Variants in HIP1 observed in about 807,000 individuals in gnomAD.
HIP1 encodes the protein huntingtin-interacting protein 1.
A neutral mutation model predicts 147.6 loss-of-function variants in HIP1; 65 were observed. That is an observed-to-expected ratio of 0.44 (90% confidence interval 0.36 to 0.54). HIP1 has a LOEUF of 0.54. HIP1 is among the 20% of genes least tolerant of loss of function. The probability of loss-of-function intolerance (pLI) is 0.00; values close to 1 mark genes in which losing one functional copy is unlikely to be tolerated. For synonymous variants in HIP1, 479 were observed against 504.0 expected (o/e 0.95, Z 0.67); for missense variants, 1,061 against 1,299.6 (o/e 0.82, Z 2.82).
chr7:75,562,791 C>T, intron 11 of HIP1, 144 bp downstream of exon 11: 1 of 765,386 alleles, frequency 1.3e-6, no homozygotes. Flanking sequence ...GAGCAGGATG[C>T]TCAGCCTAGG....
chr7:75,737,338 T>G (rs1554523815), intron 1 of HIP1, among the ~76,000 whole-genome samples: 1 of 151,940 alleles, frequency 6.6e-6, no homozygotes, highest in African/African-American at 2.4e-5. Context: ...AAAAGCTTTA[T>G]TCTTTTTTAT....
chr7:75,565,243 CGT>C (rs1795361732), intron 9 of HIP1, among the ~76,000 whole-genome samples: 2 of 151,776 alleles, frequency 1.3e-5, no homozygotes, highest in Admixed American at 1.3e-4. Context: ...AGACAGCAGC[CGT>C]GTCTGTGTGG....
In HIP1 at chr7:75,627,182, G is replaced by T. The variant is rs1051487281; in HGVS notation, c.121-27935C>A. 4.6e-5 allele frequency among the ~76,000 whole-genome samples: 7 copies of T among 152,286 alleles called. 1 individual carries two copies. In the South Asian group the frequency reaches 1.5e-3, roughly 32 times the overall value. ...AAGGCTATCTCTCCTCGGGGACAGA[G>T]AAGCCAAAGTGTGTACTTCAATGAA... is the stretch of plus-strand genomic sequence containing the variant. On this transcript the variant is annotated intron_variant, in intron 1 of 30. Transcript: ENST00000336926.
At chr7:75,615,601 C>G (rs587700014) in intron 1 of HIP1, among the ~76,000 whole-genome samples, 3 of 152,184 alleles carry the variant, frequency 2.0e-5, no homozygotes, top group Admixed American at 1.3e-4. Flanking sequence ...AAAGACTGTA[C>G]TACTCCTTCC....
intron 1 of HIP1, among the ~76,000 whole-genome samples, chr7:75,724,555 C>T (rs1360453130): frequency 1.3e-5 from 2 of 152,186 alleles, no homozygotes; most frequent in Non-Finnish European, 1.5e-5. Context: ...GCCTAAAAAA[C>T]TGCCCAAAGT....
chr7:75,734,020 C>G (rs184639652), intron 1 of HIP1, among the ~76,000 whole-genome samples: 1 of 151,630 alleles, frequency 6.6e-6, no homozygotes, highest in African/African-American at 2.4e-5. Flanking sequence ...CTGAGGCAGG[C>G]GGCTCACCTG....
chr7:75,687,203 G>A (rs983449035), intron 1 of HIP1, among the ~76,000 whole-genome samples: 7 of 152,056 alleles, frequency 4.6e-5, no homozygotes, highest in African/African-American at 7.2e-5. Context: ...GGCTGTTACC[G>A]AAAGTCTCAG....
chr7:75,533,613 T>A lies in HIP1; in HGVS notation c.*4559A>T. The A allele has an allele frequency of 4.3e-6, 1 of 232,682 alleles. No homozygotes were observed. The highest frequency in any genetic ancestry group is 8.5e-6 in the Non-Finnish European group (1 of 117,666). 14.4% of individuals were successfully genotyped at this position (232,682 alleles called of 1,614,324 possible). ...AAGATGTAACCGAACCCCCTCGGTT[T>A]GTCCCTATGAGTGGTAATCAGTTTC... is the stretch of plus-strand genomic sequence containing the variant. On this transcript the variant is annotated 3_prime_UTR_variant, in exon 31 of 31. Coordinates refer to ENST00000336926, the MANE Select transcript of HIP1 (RefSeq NM_005338.7).
chr7:75,588,081 C>T (rs1232010826), intron 4 of HIP1, among the ~76,000 whole-genome samples: 2 of 152,170 alleles, frequency 1.3e-5, no homozygotes, highest in Non-Finnish European at 2.9e-5. Flanking sequence ...GAAGTCCTCC[C>T]TAAGGACTAT....
At chr7:75,702,166 A>C (rs1422986896) in intron 1 of HIP1, among the ~76,000 whole-genome samples, 1 of 151,530 alleles carries the variant, frequency 6.6e-6, no homozygotes, top group Non-Finnish European at 1.5e-5. Flanking sequence ...GCTGGAATGC[A>C]ATGGCACGAT....
chr7:75,714,712 C>G lies in HIP1; in HGVS notation c.120+24089G>C, dbSNP rs1801264784. Among the ~76,000 whole-genome samples the G allele has an allele frequency of 3.3e-5, 5 of 152,256 alleles. No individual in the cohort carries two copies. In the South Asian group the frequency reaches 1.0e-3, roughly 32 times the overall value. ...AGGTAATCCACCTGCCTCGGCCTCC[C>G]AAAGTGCTGGGATTACAGGTGTGAG... On this transcript the variant is annotated intron_variant, in intron 1 of 30. Coordinates refer to ENST00000336926, the MANE Select transcript of HIP1 (RefSeq NM_005338.7).
At chr7:75,623,570 AG>A (rs1554507545) in intron 1 of HIP1, among the ~76,000 whole-genome samples, 1 of 152,204 alleles carries the variant, frequency 6.6e-6, no homozygotes, top group Non-Finnish European at 1.5e-5. Context: ...ACAGTGAAAC[AG>A]GAAGCGAGGT....
intron 1 of HIP1, among the ~76,000 whole-genome samples, chr7:75,689,437 G>A (rs1426533845): frequency 6.6e-6 from 1 of 151,752 alleles, no homozygotes; most frequent in Non-Finnish European, 1.5e-5. Flanking sequence ...CTGGGAGGGG[G>A]AGGTTGCAGT....
intron 1 of HIP1, among the ~76,000 whole-genome samples, chr7:75,658,645 G>A (rs1367958220): frequency 1.3e-5 from 2 of 152,020 alleles, no homozygotes; most frequent in East Asian, 1.9e-4. Context: ...GCCAGGCGCC[G>A]TGGCTCATGC....
chr7:75,564,388 A>C (rs782013434), intron 9 of HIP1, among the ~76,000 whole-genome samples: 2 of 148,820 alleles, frequency 1.3e-5, no homozygotes, highest in African/African-American at 2.5e-5. Context: ...TCCACCTTCC[A>C]GGTTCAAGGG....
chr7:75,543,042 C>A, intron 27 of HIP1, 68 bp from the exon 28 acceptor site: 1 of 1,506,880 alleles, frequency 6.6e-7, no homozygotes. Context: ...CAGATAATTG[C>A]TCTGATGGTT....
intron 2 of HIP1, among the ~76,000 whole-genome samples, chr7:75,594,974 A>G (rs1331240727): frequency 6.6e-6 from 1 of 152,226 alleles, no homozygotes; most frequent in East Asian, 1.9e-4. Context: ...GGCTTTACTC[A>G]GCAAGGCTAG....
chr7:75,728,967 A>G (rs74945574), intron 1 of HIP1, among the ~76,000 whole-genome samples: 1 of 151,628 alleles, frequency 6.6e-6, no homozygotes, highest in African/African-American at 2.4e-5. Flanking sequence ...AAAACTACCT[A>G]TGGGGTACTA....
intron 4 of HIP1, among the ~76,000 whole-genome samples, chr7:75,587,489 G>C (rs1281079351): frequency 6.6e-6 from 1 of 152,130 alleles, no homozygotes; most frequent in African/African-American, 2.4e-5. Context: ...TTTAGTGACT[G>C]ACCAGTATTA....
Sources: allele counts gnomAD v4.1 joint callset (sites outside exome capture counted in the v4.1 genomes callset), GRCh38; gene constraint gnomAD v4.1.1; transcripts MANE v1.5; gene names NCBI Gene and HGNC (gene_info 2026-07-23, HGNC 2026-07-21).